Variants in PDE12 observed in about 807,000 individuals in gnomAD.
The protein encoded by PDE12 is 2',5'-phosphodiesterase 12.
PDE12 carries 26 observed loss-of-function variants against 45.4 expected under a neutral mutation model. That is an observed-to-expected ratio of 0.57 (90% CI 0.42 to 0.79). The LOEUF (loss-of-function observed/expected upper bound fraction) is 0.79, where lower values mean the gene tolerates loss of function less well. PDE12 is among the 30% of genes least tolerant of loss of function. The pLI is 0.00. For missense variants in PDE12, 668 were observed against 790.0 expected (o/e 0.85, Z 1.85); for synonymous variants, 283 against 323.9 (o/e 0.87, Z 1.36).
the PDE12 span, chr3:57,575,493 C>T: frequency 6.6e-7 from 1 of 1,508,720 alleles, no homozygotes; most frequent in Non-Finnish European, 8.9e-7. Context: ...GCTTACACAA[C>T]TATCCTAGTA....
the PDE12 span, chr3:57,596,984 G>A: frequency 3.5e-6 from 5 of 1,409,468 alleles, no homozygotes; most frequent in East Asian, 4.9e-5. Flanking sequence ...CACCACAGCG[G>A]GCGGAGGAAA....
At chr3:57,646,200 T>C in the PDE12 span, 23 of 1,404,242 alleles carry the variant, frequency 1.6e-5, no homozygotes, top group Non-Finnish European at 2.2e-5. Flanking sequence ...CATGGATCAA[T>C]GCAATAATGG....
At chr3:57,569,902 CAT>C (rs375020821), downstream of PDE12, among the ~76,000 whole-genome samples, 2 of 146,328 alleles carry the variant, frequency 1.4e-5, no homozygotes, top group East Asian at 4.2e-4. Context: ...AGTAAGATTA[CAT>C]AGATTCTCTA....
the PDE12 span, chr3:57,645,581 A>T: frequency 3.6e-5 from 38 of 1,054,064 alleles, no homozygotes; most frequent in South Asian, 4.8e-5. Context: ...TCTGCCTATA[A>T]GCTTTTATTA....
the PDE12 span, among the ~76,000 whole-genome samples, chr3:57,611,213 A>C: frequency 6.6e-6 from 1 of 152,156 alleles, no homozygotes; most frequent in South Asian, 2.1e-4. Flanking sequence ...CCTTCCTTAC[A>C]CCTTATACAA....
At chr3:57,559,190 C>A in intron 1 of PDE12, 120 bp from the exon 2 acceptor site, 1 of 775,512 alleles carries the variant, frequency 1.3e-6, no homozygotes. Context: ...TACTGCACTC[C>A]AGCCTGGTTG....
the PDE12 span, chr3:57,575,630 G>A: frequency 6.2e-7 from 1 of 1,612,982 alleles, no homozygotes; most frequent in Non-Finnish European, 8.5e-7. Flanking sequence ...CTGTTTGTTT[G>A]CAAAAAGTAG....
chr3:57,630,901 A>G, the PDE12 span: 6 of 1,612,524 alleles, frequency 3.7e-6, no homozygotes, highest in South Asian at 6.6e-5. Context: ...TAGAGGACCC[A>G]AATAGATTTG....
chr3:57,590,123 A>C, the PDE12 span, among the ~76,000 whole-genome samples: 1 of 147,656 alleles, frequency 6.8e-6, no homozygotes, highest in Non-Finnish European at 1.5e-5. Context: ...AAATAAATAA[A>C]TAAATAAATA....
chr3:57,650,672 G>A, the PDE12 span, among the ~76,000 whole-genome samples: 10 of 151,858 alleles, frequency 6.6e-5, no homozygotes, highest in African/African-American at 2.4e-4. Context: ...TCCACACAAA[G>A]ACGTATACAC....
At chr3:57,570,705 T>C (rs2069832481), downstream of PDE12, among the ~76,000 whole-genome samples, 1 of 152,192 alleles carries the variant, frequency 6.6e-6, no homozygotes, top group Admixed American at 6.5e-5. Context: ...ATGTAGTTTA[T>C]GAGGTATACC....
At chr3:57,606,191 CAAAT>C in the PDE12 span, among the ~76,000 whole-genome samples, 1 of 152,048 alleles carries the variant, frequency 6.6e-6, no homozygotes, top group Non-Finnish European at 1.5e-5. Flanking sequence ...GTATTGCTAT[CAAAT>C]AAGTTGAAAC....
the PDE12 span, among the ~76,000 whole-genome samples, chr3:57,649,370 A>T: frequency 5.9e-5 from 9 of 152,280 alleles, no homozygotes; most frequent in South Asian, 1.9e-3. Context: ...GTTGGTGTGG[A>T]TGTGGTGAAA....
the PDE12 span, chr3:57,654,956 T>TTA: frequency 3.8e-6 from 1 of 262,384 alleles, no homozygotes; most frequent in Non-Finnish European, 5.9e-6. Flanking sequence ...AATCATTAGA[T>TTA]ATTAAATGCT....
the PDE12 span, among the ~76,000 whole-genome samples, chr3:57,620,264 C>G: frequency 1.3e-5 from 2 of 151,298 alleles, no homozygotes; most frequent in Non-Finnish European, 2.9e-5. Flanking sequence ...AGATCAGAAA[C>G]AAAGAGCCGG....
the PDE12 span, among the ~76,000 whole-genome samples, chr3:57,617,815 T>G: frequency 1.3e-5 from 2 of 151,072 alleles, no homozygotes; most frequent in Non-Finnish European, 2.9e-5. Context: ...TGCAGTGAGC[T>G]GAGATATTGT....
the PDE12 span, chr3:57,646,192 TG>T: frequency 1.5e-6 from 2 of 1,347,634 alleles, no homozygotes; most frequent in African/African-American, 2.9e-5. Flanking sequence ...GGTTTTTGCA[TG>T]GATCAATGCA....
chr3:57,597,374 G>A, the PDE12 span: 4 of 408,064 alleles, frequency 9.8e-6, no homozygotes, highest in South Asian at 3.0e-5. Flanking sequence ...TAGCCTTTAG[G>A]CTCTGGCTGT....
the PDE12 span, among the ~76,000 whole-genome samples, chr3:57,578,558 C>A: frequency 6.6e-6 from 1 of 152,158 alleles, no homozygotes; most frequent in East Asian, 1.9e-4. Flanking sequence ...TGGCTCACTG[C>A]AGCCTTGACC....
Sources: gnomAD v4.1 joint callset for allele counts (sites outside exome capture counted in the v4.1 genomes callset) on GRCh38, gnomAD v4.1.1 for gene constraint, MANE v1.5 for transcripts, NCBI Gene and HGNC (gene_info 2026-07-23, HGNC 2026-07-21) for gene names.